FNDC3B: variants seen among roughly 807,000 people sequenced by gnomAD.
FNDC3B encodes the protein fibronectin type III domain containing 3B, also known as fibronectin type III domain-containing protein 3B.
Under a neutral mutation model 151.5 loss-of-function variants are expected in FNDC3B, and 12 were observed. That is an observed-to-expected ratio of 0.08 (90% CI 0.05 to 0.13). FNDC3B has a LOEUF of 0.13. FNDC3B is among the 10% of genes least tolerant of loss of function. The pLI is 1.00. For synonymous variants in FNDC3B, 528 were observed against 549.0 expected, an observed-to-expected ratio of 0.96 and a Z score of 0.54; for missense variants, 1,214 against 1,505.3, an observed-to-expected ratio of 0.81 and a Z score of 3.20.
At chr3:172,267,810 G>T (rs1335676150) in intron 6 of FNDC3B, among the ~76,000 whole-genome samples, 2 of 152,142 alleles carry the variant, frequency 1.3e-5, no homozygotes, top group Admixed American at 1.3e-4. Flanking sequence ...ATGTTAAATA[G>T]CCCTCAGGGA....
intron 7 of FNDC3B, among the ~76,000 whole-genome samples, chr3:172,288,419 C>G (rs1218635214): frequency 6.6e-6 from 1 of 152,192 alleles, no homozygotes; most frequent in African/African-American, 2.4e-5. Context: ...TTACCCTCCT[C>G]CAAACCTTTG....
intron 24 of FNDC3B, among the ~76,000 whole-genome samples, chr3:172,379,605 A>G (rs1006493630): frequency 5.3e-5 from 8 of 152,020 alleles, no homozygotes; most frequent in African/African-American, 1.9e-4. Context: ...ATGTGCATAC[A>G]CATGCACGGC....
intron 1 of FNDC3B, among the ~76,000 whole-genome samples, chr3:172,088,253 A>G (rs1718649588): frequency 6.6e-6 from 1 of 152,212 alleles, no homozygotes; most frequent in African/African-American, 2.4e-5. Flanking sequence ...AAACCGCTGT[A>G]CTGGTACCAC....
intron 3 of FNDC3B, chr3:172,186,758 C>A: frequency 1.4e-6 from 1 of 702,262 alleles, no homozygotes; most frequent in Non-Finnish European, 2.6e-6. Flanking sequence ...TTCATCTCAG[C>A]TTTTTCCCCC....
intron 9 of FNDC3B, chr3:172,303,025 T>C (rs78790690): frequency 6.8e-6 from 1 of 147,822 alleles, no homozygotes; most frequent in African/African-American, 2.5e-5. Context: ...TATATATATA[T>C]AAATATGTAA....
At chr3:172,081,925 A>C (rs999077885) in intron 1 of FNDC3B, among the ~76,000 whole-genome samples, 1 of 152,218 alleles carries the variant, frequency 6.6e-6, no homozygotes, top group African/African-American at 2.4e-5. Flanking sequence ...GTTTTATATT[A>C]TCTGGGCACA....
At chr3:172,215,365 G>C (rs1725922673) in intron 3 of FNDC3B, among the ~76,000 whole-genome samples, 1 of 152,218 alleles carries the variant, frequency 6.6e-6, no homozygotes, top group Non-Finnish European at 1.5e-5. Flanking sequence ...ATTCATCTCT[G>C]TTCCCTTTCA....
rs1420992726 is a variant in FNDC3B at position 172,346,337 on chromosome 3, A to G, written c.2261A>G (p.Tyr754Cys). The change falls in exon 20 of 26, where the codon TAT becomes TGT. Residue 754 changes from tyrosine (Y) to cysteine (C), a missense_variant. This residue lies in a region of FNDC3B where 380 missense variants were observed against 420.9 expected (regional missense o/e 0.90). Transcript: ENST00000415807. Reference protein sequence around the residue: ...RALNDGGYGPYSDVSEITTAA... With the variant: ...RALNDGGYGPCSDVSEITTAA... Reference sequence around the variant, plus strand: ...TGTGTTTTCTTTCAGTATGGTCCCTATTCTGATGTCTCAGAAATTACCACT... The same window carrying G: ...TGTGTTTTCTTTCAGTATGGTCCCTGTTCTGATGTCTCAGAAATTACCACT... The G allele has an allele frequency of 1.9e-6, 3 of 1,606,244 alleles. No homozygotes were observed. The highest frequency in any genetic ancestry group is 1.7e-6 in the Non-Finnish European group (2 of 1,173,062).
intron 1 of FNDC3B, among the ~76,000 whole-genome samples, chr3:172,073,282 AT>A (rs1560394481): frequency 6.6e-6 from 1 of 152,202 alleles, no homozygotes; most frequent in East Asian, 1.9e-4. Flanking sequence ...GGGAATGAAC[AT>A]GGTGGTTGGG....
At position 172,243,289 on chromosome 3, in the gene FNDC3B, G is replaced by A. The variant is rs1020445674; in HGVS notation, c.265-4244G>A. 3.3e-5 allele frequency among the ~76,000 whole-genome samples: 5 copies of A among 152,114 alleles called. No individual in the cohort carries two copies. In the East Asian group the frequency reaches 7.7e-4, roughly 23 times the overall value. The stretch of plus-strand genomic sequence containing the variant: ...CATTTTCGGGTAACTTTTCAGCAAT[G>A]TGCCACTCTTCTTGGACCAATTTAC... On this transcript the variant is annotated intron_variant, in intron 4 of 25. Transcript: ENST00000415807.
chr3:172,290,733 G>T (rs1434660104), intron 7 of FNDC3B, among the ~76,000 whole-genome samples: 1 of 152,198 alleles, frequency 6.6e-6, no homozygotes, highest in Non-Finnish European at 1.5e-5. Flanking sequence ...GAGCAGATAG[G>T]CGGCTCTTAG....
intron 1 of FNDC3B, among the ~76,000 whole-genome samples, chr3:172,085,655 T>G (rs1446928364): frequency 6.6e-6 from 1 of 152,206 alleles, no homozygotes; most frequent in Non-Finnish European, 1.5e-5. Context: ...CCCCTTGATG[T>G]GTTTATCTAA....
intron 3 of FNDC3B, among the ~76,000 whole-genome samples, chr3:172,138,483 C>T (rs1194048765): frequency 6.6e-6 from 1 of 151,990 alleles, no homozygotes; most frequent in Non-Finnish European, 1.5e-5. Flanking sequence ...TACTAGATTC[C>T]ATTGATAATT....
intron 1 of FNDC3B, among the ~76,000 whole-genome samples, chr3:172,096,421 C>A (rs1719095930): frequency 6.6e-6 from 1 of 152,070 alleles, no homozygotes; most frequent in Non-Finnish European, 1.5e-5. Context: ...GTCATTGTAG[C>A]CTAATATCAT....
chr3:172,162,036 G>T (rs1164676576), intron 3 of FNDC3B, among the ~76,000 whole-genome samples: 1 of 151,752 alleles, frequency 6.6e-6, no homozygotes, highest in Non-Finnish European at 1.5e-5. Flanking sequence ...GAGGGCAGTG[G>T]TGTGATCTCG....
chr3:172,204,777 G>A (rs1000620071), intron 3 of FNDC3B, among the ~76,000 whole-genome samples: 19 of 152,316 alleles, frequency 1.2e-4, no homozygotes, highest in Non-Finnish European at 1.5e-5. Flanking sequence ...TGCGGACAGA[G>A]CCCATGGAAA....
intron 3 of FNDC3B, among the ~76,000 whole-genome samples, chr3:172,186,042 TGA>T (rs1025540282): frequency 5.3e-5 from 8 of 152,142 alleles, no homozygotes; most frequent in African/African-American, 1.7e-4. Context: ...GTGTCTCAAG[TGA>T]GAGAGGTTAG....
At chr3:172,358,344 G>A (rs1422174245) in intron 22 of FNDC3B, among the ~76,000 whole-genome samples, 1 of 152,258 alleles carries the variant, frequency 6.6e-6, no homozygotes, top group African/African-American at 2.4e-5. Context: ...AAAGGCAGAT[G>A]TAATAGTAGT....
At chr3:172,369,854 G>A (rs1487323375) in intron 23 of FNDC3B, among the ~76,000 whole-genome samples, 1 of 152,064 alleles carries the variant, frequency 6.6e-6, no homozygotes, top group South Asian at 2.1e-4. Flanking sequence ...TCTATTTTGA[G>A]CACCGTTCGT....
Sources: allele counts gnomAD v4.1 joint callset (sites outside exome capture counted in the v4.1 genomes callset), GRCh38; gene constraint gnomAD v4.1.1; regional missense constraint gnomAD v4.1.1; transcripts MANE v1.5; gene names NCBI Gene and HGNC (gene_info 2026-07-23, HGNC 2026-07-21).